FAT1: variants seen among roughly 807,000 people sequenced by gnomAD.
FAT1 encodes FAT atypical cadherin 1, also known as protocadherin Fat 1.
In FAT1, 171 loss-of-function variants were observed where a neutral mutation model predicts 329.8. The observed-to-expected ratio is 0.52, with a 90% CI of 0.46 to 0.59. The LOEUF (loss-of-function observed/expected upper bound fraction) is 0.59. Ranked by LOEUF, FAT1 falls within the 20% of genes least tolerant of loss-of-function variation. FAT1 has a pLI of 0.00. For missense variants in FAT1, 5,672 were observed against 5,774.4 expected (o/e 0.98, Z 0.57); for synonymous variants, 2,233 against 2,228.6 (o/e 1.00, Z -0.06).
Position 186,708,638 on chromosome 4 carries a change from T to C in FAT1, c.1190A>G (p.His397Arg), listed in dbSNP as rs1271256052. 5 of 1,613,930 alleles carry C rather than the reference T, an allele frequency of 3.1e-6. No homozygotes were observed. The highest frequency in any genetic ancestry group is 3.4e-6 in the Non-Finnish European group (4 of 1,179,890). ...TGTACTTTTAAAAACATACCTCAAA[T>C]GGGAATAAGCAGGAATGGCCTTTAC... ...VMVKAIPAYS[H>R]LRYVFKSTPG... Residue 397 changes from histidine to arginine, a missense_variant, in exon 2 of 27, where the codon CAT becomes CGT. This residue lies in a region of FAT1 where 3,966 missense variants were observed against 3,915.2 expected (regional missense o/e 1.01). Coordinates refer to ENST00000441802, the MANE Select transcript of FAT1 (RefSeq NM_005245.4).
At chr4:186,722,684 G>A (rs777801020) in intron 1 of FAT1, among the ~76,000 whole-genome samples, 1 of 152,192 alleles carries the variant, frequency 6.6e-6, no homozygotes, top group Non-Finnish European at 1.5e-5. Flanking sequence ...CTCACACACA[G>A]ATACCTTCTT....
intron 26 of FAT1, among the ~76,000 whole-genome samples, chr4:186,592,436 C>T (rs1456755097): frequency 6.6e-6 from 1 of 151,198 alleles, no homozygotes; most frequent in Admixed American, 6.6e-5. Flanking sequence ...TTCTTGATTG[C>T]ACCACCTACA....
Position 186,636,724 on chromosome 4 carries a change from T to G in FAT1, c.3833A>C (p.Asp1278Ala), listed in dbSNP as rs1301522147. The stretch of plus-strand genomic sequence containing the variant: ...TTCTGCATTGGGGCCCTCATCCTTG[T>G]CGGTGGCTATGACGTGATAGAGCGG... ...REPLYHVIAT[D>A]KDEGPNAEIS... is the part of the protein sequence containing the mutation. Residue 1278 changes from aspartate to alanine, a missense_variant, in exon 5 of 27, where the codon GAC becomes GCC. Coordinates refer to ENST00000441802, the MANE Select transcript of FAT1 (RefSeq NM_005245.4). 1 of 1,613,796 alleles carries G rather than the reference T, an allele frequency of 6.2e-7. No homozygotes were observed. Among genetic ancestry groups the G allele is most frequent in the Non-Finnish European group, 8.5e-7 (1 of 1,179,880 alleles).
chr4:186,650,425 T>C (rs1267610663), intron 3 of FAT1, among the ~76,000 whole-genome samples: 2 of 151,428 alleles, frequency 1.3e-5, no homozygotes, highest in East Asian at 3.9e-4. Flanking sequence ...GTTCCAACTC[T>C]AAAGCTGTTT....
Position 186,602,915 on chromosome 4 carries a change from CA to C in FAT1, c.11469del (p.Phe3823LeufsTer10). On this transcript the variant is annotated frameshift_variant, in exon 20 of 27. Coordinates refer to ENST00000441802, the MANE Select transcript of FAT1 (RefSeq NM_005245.4). LOFTEE classifies it high-confidence loss of function. ...ATTCAACTCTCACCTGGGCACTGAC[CA>C]AACCTGCCGCTGGGACAGACACAGG... Reference protein sequence around the residue: ...KHTCVCPSGRFGQCPGSSSMT... With the variant: ...KHTCVCPSGRXGQCPGSSSMT... 1 of 1,613,844 alleles carries C rather than the reference CA, an allele frequency of 6.2e-7. No homozygotes were observed. Among genetic ancestry groups the C allele is most frequent in the Non-Finnish European group, 8.5e-7 (1 of 1,179,808 alleles).
Position 186,596,322 on chromosome 4 carries a change from A to G in FAT1, c.13000+218T>C, listed in dbSNP as rs1348605708. The stretch of plus-strand genomic sequence containing the variant: ...AAATGATCTCTCCAGAATATTAACT[A>G]AACATGACTAGATTCAATTTCTTAA... On this transcript the variant is annotated intron_variant, in intron 25 of 26. Coordinates refer to ENST00000441802, the MANE Select transcript of FAT1 (RefSeq NM_005245.4). This position sits in a 1 kb window ranked among gnomAD's most constrained non-coding sequence, Gnocchi z 4.7. 6.6e-6 allele frequency among the ~76,000 whole-genome samples: 1 copy of G among 152,226 alleles called. No individual in the cohort carries two copies. The highest frequency in any genetic ancestry group is 6.5e-5 in the Admixed American group (1 of 15,286).
intron 2 of FAT1, among the ~76,000 whole-genome samples, chr4:186,691,528 T>C (rs1743761989): frequency 6.6e-6 from 1 of 152,204 alleles, no homozygotes; most frequent in African/African-American, 2.4e-5. Flanking sequence ...GTGACAGGCA[T>C]GTTGGCTCAC....
At chr4:186,665,687 T>A (rs910273709) in intron 2 of FAT1, among the ~76,000 whole-genome samples, 2 of 152,166 alleles carry the variant, frequency 1.3e-5, no homozygotes, top group African/African-American at 4.8e-5. Flanking sequence ...CAGAAGCTCT[T>A]TAGTTTAATT....
chr4:186,641,412 A>C (rs1460711678), intron 3 of FAT1, among the ~76,000 whole-genome samples: 2 of 152,194 alleles, frequency 1.3e-5, no homozygotes, highest in Admixed American at 6.5e-5. Context: ...CCCCAATCAA[A>C]AATGTACCAT....
At chr4:186,662,106 T>G (rs552129192) in intron 3 of FAT1, among the ~76,000 whole-genome samples, 197 of 146,404 alleles carry the variant, frequency 1.3e-3, no homozygotes, top group African/African-American at 4.8e-3. Flanking sequence ...GGAAAACATC[T>G]CTTTGAGGGT....
chr4:186,659,868 C>A (rs1742084642), intron 3 of FAT1, among the ~76,000 whole-genome samples: 2 of 149,880 alleles, frequency 1.3e-5, no homozygotes, highest in Admixed American at 1.3e-4. Flanking sequence ...TGGCACCTGT[C>A]CCCTGAACGA....
rs2126697930 is a variant in FAT1, at chr4:186,708,640, G to T, written c.1188C>A (p.Ser396=). The change falls in exon 2 of 27, where the codon TCC becomes TCA. Residue 396 remains serine, a synonymous_variant. Coordinates refer to ENST00000441802, the MANE Select transcript of FAT1 (RefSeq NM_005245.4). The part of the protein sequence containing the change: ...VVMVKAIPAY[S]HLRYVFKSTP... The stretch of plus-strand genomic sequence containing the variant: ...TACTTTTAAAAACATACCTCAAATG[G>T]GAATAAGCAGGAATGGCCTTTACCA... The T allele has an allele frequency of 1.2e-6, 2 of 1,613,874 alleles. No individual in the cohort carries two copies. Among genetic ancestry groups the T allele is most frequent in the Non-Finnish European group, 1.7e-6 (2 of 1,179,896 alleles).
intron 2 of FAT1, among the ~76,000 whole-genome samples, chr4:186,691,629 A>AC (rs1203804604): frequency 6.6e-6 from 1 of 151,824 alleles, no homozygotes; most frequent in Non-Finnish European, 1.5e-5. Flanking sequence ...ACATAGCAAG[A>AC]CCCCACCTCT....
chr4:186,618,758 C>G lies in FAT1; in HGVS notation c.7828G>C (p.Ala2610Pro), dbSNP rs1739860165. 1 of 1,613,914 alleles carries G rather than the reference C, an allele frequency of 6.2e-7. No homozygotes were observed. The highest frequency in any genetic ancestry group is 8.5e-7 in the Non-Finnish European group (1 of 1,179,906). The change falls in exon 10 of 27, where the codon GCT (alanine) becomes CCT (proline). Residue 2610 changes from alanine to proline, a missense_variant. Ala to Pro is a conservative substitution (Grantham distance 27). This residue lies in a region of FAT1 where 3,966 missense variants were observed against 3,915.2 expected (regional missense o/e 1.01). Coordinates refer to ENST00000441802, the MANE Select transcript of FAT1 (RefSeq NM_005245.4). Reference sequence around the variant, plus strand: ...ACTTTAACGACTGAAGTCCCTTTAGCAGCACTGGACCCGATATTCACTTCG... The same window carrying G: ...ACTTTAACGACTGAAGTCCCTTTAGGAGCACTGGACCCGATATTCACTTCG... Reference protein sequence around the residue: ...KYEVNIGSSAAKGTSVVKVLA... With the variant: ...KYEVNIGSSAPKGTSVVKVLA...
intron 2 of FAT1, among the ~76,000 whole-genome samples, chr4:186,683,220 A>G (rs1322957547): frequency 6.6e-6 from 1 of 152,152 alleles, no homozygotes; most frequent in Non-Finnish European, 1.5e-5. Flanking sequence ...AATCCTTAAC[A>G]CATGCCCTGT....
chr4:186,628,261 T>G lies in FAT1; in HGVS notation c.4703A>C (p.Lys1568Thr). The G allele has an allele frequency of 6.2e-7, 1 of 1,613,928 alleles. No individual in the cohort carries two copies. Among genetic ancestry groups the G allele is most frequent in the Non-Finnish European group, 8.5e-7 (1 of 1,179,880 alleles). The change falls in exon 9 of 27, where the codon AAA becomes ACA. Residue 1568 changes from lysine to threonine, a missense_variant. Lys to Thr is a moderately conservative substitution (Grantham distance 78). Transcript: ENST00000441802. ...HAPWFTASSYKGRVYESAAVG... is the reference protein window; with the variant it reads ...HAPWFTASSYTGRVYESAAVG... ...GGCTGCCGATTCATAAACCCGCCCT[T>G]TGTAGGAGGAAGCGGTGAACCACGG...
At chr4:186,607,419 A>G (rs761718469) in intron 16 of FAT1, among the ~76,000 whole-genome samples, 2 of 137,516 alleles carry the variant, frequency 1.5e-5, no homozygotes, top group East Asian at 4.8e-4. Context: ...GGGTGAATGA[A>G]TAACTGTATA....
At chr4:186,667,713 C>T (rs1340197391) in intron 2 of FAT1, among the ~76,000 whole-genome samples, 1 of 152,188 alleles carries the variant, frequency 6.6e-6, no homozygotes, top group East Asian at 1.9e-4. Flanking sequence ...TGCATTAAAT[C>T]ATTGAAAGAA....
At chr4:186,607,436 T>C (rs1194778042) in intron 16 of FAT1, among the ~76,000 whole-genome samples, 1 of 125,810 alleles carries the variant, frequency 7.9e-6, no homozygotes, top group African/African-American at 3.4e-5. Flanking sequence ...TATAGATGGG[T>C]GAATGAATGG....
Sources: gnomAD v4.1 joint callset for allele counts (sites outside exome capture counted in the v4.1 genomes callset) on GRCh38, gnomAD v4.1.1 for gene constraint, gnomAD v4.1.1 regional missense constraint, Gnocchi (gnomAD v3.1) non-coding constraint, MANE v1.5 for transcripts, NCBI Gene and HGNC (gene_info 2026-07-23, HGNC 2026-07-21) for gene names.